Variants in TYW1 observed in about 807,000 individuals in gnomAD.
TYW1 encodes tRNA-yW synthesizing protein 1 homolog, also known as S-adenosyl-L-methionine-dependent tRNA 4-demethylwyosine synthase TYW1.
TYW1 carries 46 observed loss-of-function variants against 96.2 expected under a neutral mutation model. That is an observed-to-expected ratio of 0.48 (90% CI 0.38 to 0.61). The LOEUF (loss-of-function observed/expected upper bound fraction) is 0.61. Ranked by LOEUF, TYW1 falls within the 20% of genes least tolerant of loss-of-function variation. TYW1 has a pLI of 0.00. For missense variants in TYW1, 684 were observed against 909.6 expected (o/e 0.75, Z 3.19); for synonymous variants, 274 against 323.0 (o/e 0.85, Z 1.63).
intron 11 of TYW1, among the ~76,000 whole-genome samples, chr7:67,094,236 G>A (rs1355413602): frequency 2.0e-5 from 3 of 152,046 alleles, no homozygotes; most frequent in African/African-American, 7.3e-5. Context: ...TCTTTATCCA[G>A]TCAACCGTTG....
intron 13 of TYW1, among the ~76,000 whole-genome samples, chr7:67,151,048 C>CTTA (rs1798782237): frequency 6.8e-6 from 1 of 147,544 alleles, no homozygotes; most frequent in Admixed American, 6.7e-5. Context: ...TTATATTCTT[C>CTTA]TTCTTTTTTT....
At chr7:67,076,713 T>C (rs1327971247) in intron 10 of TYW1, among the ~76,000 whole-genome samples, 1 of 151,740 alleles carries the variant, frequency 6.6e-6, no homozygotes, top group Non-Finnish European at 1.5e-5. Flanking sequence ...TGACCTCAGG[T>C]GATCCGCCTC....
Position 67,117,487 on chromosome 7 carries a change from C to T in TYW1, c.1567C>T (p.Leu523Phe). The change falls in exon 13 of 16, where the codon CTC (leucine) becomes TTC (phenylalanine). Residue 523 changes from leucine to phenylalanine, a missense_variant. Physicochemically the swap from Leu to Phe is conservative, Grantham distance 22 (BLOSUM62 0). Coordinates refer to ENST00000359626, the MANE Select transcript of TYW1 (RefSeq NM_018264.4). The part of the protein sequence containing the change: ...NAQFPAEIRN[L>F]EPVTQLYVSV... The stretch of plus-strand genomic sequence containing the variant: ...TTTAAAAAAAATATTACTAAGGAAC[C>T]TCGAGCCGGTTACTCAGCTGTATGT... The T allele has an allele frequency of 6.2e-7, 1 of 1,600,546 alleles. No individual in the cohort carries two copies. The highest frequency in any genetic ancestry group is 8.5e-7 in the Non-Finnish European group (1 of 1,176,676).
chr7:67,014,448 A>C lies in TYW1; in HGVS notation c.457A>C (p.Lys153Gln), dbSNP rs1409203295. The change falls in exon 5 of 16, where the codon AAA becomes CAA. Residue 153 changes from lysine (K) to glutamine (Q), a missense_variant. Physicochemically the swap from Lys to Gln is moderately conservative, Grantham distance 53. Coordinates refer to ENST00000359626, the MANE Select transcript of TYW1 (RefSeq NM_018264.4). ...AACTGAAAGTGCAGAGTGGTTCTGC[A>C]AATGGTTAGAGGAAGCATCCATTGA... ...LPTESAEWFC[K>Q]WLEEASIDFR... 4 of 1,613,890 alleles carry C rather than the reference A, an allele frequency of 2.5e-6. No individual in the cohort carries two copies. In the African/African-American group the frequency reaches 5.3e-5, roughly 22 times the overall value.
chr7:67,029,424 T>TATATATAC (rs1794596600), intron 7 of TYW1, among the ~76,000 whole-genome samples: 3 of 136,360 alleles, frequency 2.2e-5, no homozygotes, highest in Admixed American at 1.5e-4. Flanking sequence ...TGTATATATA[T>TATATATAC]ATATATATAA....
At chr7:67,020,902 C>T (rs1036652846) in intron 6 of TYW1, among the ~76,000 whole-genome samples, 2 of 152,390 alleles carry the variant, frequency 1.3e-5, no homozygotes, top group East Asian at 3.9e-4. Flanking sequence ...CTGGCAGGCA[C>T]CTGTAATCCC....
At chr7:67,195,423 G>A (rs1449840035) in intron 15 of TYW1, 86 bp downstream of exon 15, 8 of 1,588,184 alleles carry the variant, frequency 5.0e-6, no homozygotes, top group Non-Finnish European at 6.9e-6. Context: ...CTCTTACATT[G>A]TTATAGGGAT....
chr7:67,061,160 G>A (rs117252643), intron 9 of TYW1, among the ~76,000 whole-genome samples: 2,439 of 152,248 alleles, frequency 0.016, 33 homozygotes, highest in Admixed American at 0.044. Context: ...CCCGGGAGGT[G>A]GAGGTTGCAG....
intron 7 of TYW1, among the ~76,000 whole-genome samples, chr7:67,032,885 CTTTTTTTTTTTTTTTTTT>C (rs778743156): frequency 1.3e-5 from 1 of 76,256 alleles, no homozygotes; most frequent in East Asian, 3.6e-4. Context: ...AGAAGTATAC[CTTTTTTTTTTTTTTTTTT>C]TTTTTTTTTT....
intron 15 of TYW1, among the ~76,000 whole-genome samples, chr7:67,209,588 T>A (rs1259468397): frequency 6.6e-6 from 1 of 152,160 alleles, no homozygotes; most frequent in Non-Finnish European, 1.5e-5. Context: ...TTTTTTATTT[T>A]TTGAGACAGA....
In TYW1 at chr7:67,183,106, T is replaced by C. The variant is rs772930972; in HGVS notation, c.1699-20T>C. On this transcript the variant is annotated intron_variant, in intron 13 of 15. Transcript: ENST00000359626. ...ACGTCCACCAAGATAACAACGAACT[T>C]GGCTTTTCCTTTGTTTTAGCAACAA... 5.7e-6 allele frequency: 9 copies of C among 1,589,798 alleles called. No homozygotes were observed. In the African/African-American group the frequency reaches 6.8e-5, roughly 12 times the overall value.
intron 15 of TYW1, among the ~76,000 whole-genome samples, chr7:67,200,960 G>A (rs537680769): frequency 6.6e-6 from 1 of 152,126 alleles, no homozygotes; most frequent in African/African-American, 2.4e-5. Context: ...GGGTTGCAGG[G>A]AAAGGAGATT....
chr7:67,055,797 G>A (rs371866976), intron 8 of TYW1, 38 bp from the exon 9 acceptor site: 1 of 1,548,710 alleles, frequency 6.5e-7, no homozygotes, highest in Non-Finnish European at 8.7e-7. Context: ...TGACGCTTTG[G>A]ATCAGTCCAA....
intron 11 of TYW1, among the ~76,000 whole-genome samples, chr7:67,091,385 A>T (rs1216337876): frequency 2.4e-5 from 3 of 125,126 alleles, no homozygotes; most frequent in Admixed American, 1.0e-4. Context: ...AGACATAGGA[A>T]GGGGAACATC....
Position 67,053,522 on chromosome 7 carries a change from T to C in TYW1, c.1103-2313T>C, listed in dbSNP as rs185902714. Among the ~76,000 whole-genome samples, 15 of 151,808 alleles carry C rather than the reference T, an allele frequency of 9.9e-5. No homozygotes were observed. In the East Asian group the frequency reaches 1.6e-3, roughly 16 times the overall value. ...AGCCTCCCGAGTAGCTGGGATTACA[T>C]GCATACGCCACCACGCCTGGCTAAT... On this transcript the variant is annotated intron_variant, in intron 8 of 15. Coordinates refer to ENST00000359626, the MANE Select transcript of TYW1 (RefSeq NM_018264.4).
At chr7:67,060,919 T>A (rs1435643668) in intron 9 of TYW1, among the ~76,000 whole-genome samples, 1 of 152,168 alleles carries the variant, frequency 6.6e-6, no homozygotes, top group Non-Finnish European at 1.5e-5. Flanking sequence ...GACATGAGGC[T>A]TGTTTCTTAA....
chr7:66,998,098 C>T lies in TYW1; in HGVS notation c.38C>T (p.Pro13Leu). Reference sequence around the variant, plus strand: ...GCGGATACATGGGACCTCTTCTCACCTTTAATATCATTATGGATAAACAGG... The same window carrying T: ...GCGGATACATGGGACCTCTTCTCACTTTTAATATCATTATGGATAAACAGG... ...PSADTWDLFSPLISLWINRFY... is the reference protein window; with the variant it reads ...PSADTWDLFSLLISLWINRFY... The change falls in exon 2 of 16, where the codon CCT becomes CTT. Residue 13 changes from proline to leucine, a missense_variant. Pro to Leu is a moderately conservative substitution (Grantham distance 98, BLOSUM62 -3). Transcript: ENST00000359626. The T allele has an allele frequency of 1.2e-6, 2 of 1,610,136 alleles. No homozygotes were observed. Among genetic ancestry groups the T allele is most frequent in the East Asian group, 2.2e-5 (1 of 44,814 alleles).
chr7:67,227,199 G>T (rs754923248), intron 15 of TYW1, among the ~76,000 whole-genome samples: 34 of 152,130 alleles, frequency 2.2e-4, no homozygotes, highest in Non-Finnish European at 4.7e-4. Context: ...GGAATGTCCT[G>T]CCTGATAAGA....
intron 4 of TYW1, 53 bp downstream of exon 4, chr7:67,009,737 A>C (rs1793728025): frequency 7.7e-6 from 11 of 1,420,562 alleles, no homozygotes; most frequent in African/African-American, 1.4e-5. Context: ...ACTGATCTGC[A>C]ATCTTCACAG....
Sources: allele counts gnomAD v4.1 joint callset (sites outside exome capture counted in the v4.1 genomes callset), GRCh38; gene constraint gnomAD v4.1.1; transcripts MANE v1.5; gene names NCBI Gene and HGNC (gene_info 2026-07-23, HGNC 2026-07-21).